The following P2RX3 variants were observed in gnomAD, a reference collection of about 807,000 sequenced individuals.
P2RX3 encodes purinergic receptor P2X 3, also known as P2X purinoceptor 3.
In P2RX3, 41 loss-of-function variants were observed where a neutral mutation model predicts 51.5. That is an observed-to-expected ratio of 0.80 (90% CI 0.62 to 1.03). The LOEUF is 1.03. Ranked by LOEUF, P2RX3 falls within the 50% of genes least tolerant of loss-of-function variation. The pLI is 0.00. For missense variants in P2RX3, 459 were observed against 522.1 expected (o/e 0.88, Z 1.18); for synonymous variants, 185 against 191.6 (o/e 0.97, Z 0.29).
rs568084097 is a variant in P2RX3, at chr11:57,371,426, G to T, written c.*1429G>T. Among the ~76,000 whole-genome samples, 4 of 152,368 alleles carry T rather than the reference G, an allele frequency of 2.6e-5. No individual in the cohort carries two copies. The highest frequency in any genetic ancestry group is 2.1e-4 in the South Asian group (1 of 4,832). Reference sequence around the variant, plus strand: ...AATCTGCATCTGGCAGTCAGAGTGGGCATGATCATGAGGTCTTAGCTGCAC... The same window carrying T: ...AATCTGCATCTGGCAGTCAGAGTGGTCATGATCATGAGGTCTTAGCTGCAC... On this transcript the variant is annotated 3_prime_UTR_variant, in exon 12 of 12. Transcript: ENST00000263314.
intron 10 of P2RX3, 123 bp downstream of exon 10, chr11:57,368,560 C>A (rs1856832867): frequency 7.4e-6 from 8 of 1,075,064 alleles, no homozygotes; most frequent in Non-Finnish European, 1.1e-5. Context: ...CCCCTACCCC[C>A]ACTTGCTAGG....
chr11:57,336,297 G>A (rs534727958), upstream of P2RX3, among the ~76,000 whole-genome samples: 1 of 152,188 alleles, frequency 6.6e-6, no homozygotes, highest in South Asian at 2.1e-4. Flanking sequence ...TGTCATCGTG[G>A]GTGCACTGCT....
rs1318158516 is a variant in P2RX3 at position 57,338,614 on chromosome 11, A to T, written c.64A>T (p.Thr22Ser). The change falls in exon 1 of 12, where the codon ACC (threonine) becomes TCC (serine). Residue 22 changes from threonine to serine, a missense_variant. Transcript: ENST00000263314. Reference sequence around the variant, plus strand: ...CAAGTCGGTGGTTGTGAAGAGCTGGACCATCGGGATCATCAACCGAGTAGT... The same window carrying T: ...CAAGTCGGTGGTTGTGAAGAGCTGGTCCATCGGGATCATCAACCGAGTAGT... ...TTKSVVVKSWTIGIINRVVQL... is the reference protein window; with the variant it reads ...TTKSVVVKSWSIGIINRVVQL... The T allele has an allele frequency of 2.5e-6, 4 of 1,598,088 alleles. No homozygotes were observed. The highest frequency in any genetic ancestry group is 3.4e-6 in the Non-Finnish European group (4 of 1,166,874).
chr11:57,347,571 T>A, intron 4 of P2RX3, 93 bp downstream of exon 4: 1 of 1,342,620 alleles, frequency 7.4e-7, no homozygotes, highest in Non-Finnish European at 1.0e-6. Context: ...GGAACCAGCC[T>A]GTTCCATGTC....
intron 8 of P2RX3, among the ~76,000 whole-genome samples, chr11:57,363,869 A>G (rs1164599781): frequency 1.3e-5 from 2 of 152,000 alleles, no homozygotes; most frequent in African/African-American, 2.4e-5. Flanking sequence ...GTCCCTGCCA[A>G]CCCTCCTCAG....
upstream of P2RX3, among the ~76,000 whole-genome samples, chr11:57,337,796 C>T (rs113561640): frequency 7.9e-3 from 1,209 of 152,268 alleles, 14 homozygotes; most frequent in African/African-American, 0.027. Context: ...CAAACCTGCA[C>T]GTTGTGCAGG....
intron 8 of P2RX3, among the ~76,000 whole-genome samples, chr11:57,366,762 C>T (rs978698609): frequency 6.6e-6 from 1 of 152,116 alleles, no homozygotes; most frequent in Admixed American, 6.5e-5. Context: ...CAGTCTCGGG[C>T]GCAGGGTGTC....
At chr11:57,347,031 T>C in intron 2 of P2RX3, 85 bp from the exon 3 acceptor site, 1 of 1,363,030 alleles carries the variant, frequency 7.3e-7, no homozygotes. Flanking sequence ...TTTCCTCATC[T>C]GTAGAGTGGG....
At position 57,372,233 on chromosome 11, in the gene P2RX3, C is replaced by G. The variant is rs1214611185; in HGVS notation, c.*2236C>G. On this transcript the variant is annotated 3_prime_UTR_variant, in exon 12 of 12. Coordinates refer to ENST00000263314, the MANE Select transcript of P2RX3 (RefSeq NM_002559.5). ...ATGAGATCTGGAACCTATGCCCATT[C>G]CTAACACTACATTGCCTCTTTAATC... is the stretch of plus-strand genomic sequence containing the variant. Among the ~76,000 whole-genome samples the G allele has an allele frequency of 6.6e-6, 1 of 152,184 alleles. No homozygotes were observed. The highest frequency in any genetic ancestry group is 2.4e-5 in the African/African-American group (1 of 41,448).
chr11:57,351,365 C>T (rs1000298628), intron 8 of P2RX3, among the ~76,000 whole-genome samples: 4 of 152,324 alleles, frequency 2.6e-5, no homozygotes, highest in Admixed American at 2.6e-4. Flanking sequence ...TCTCCGCAAA[C>T]GTGTGTCACC....
At chr11:57,337,981 T>A (rs1302745143), upstream of P2RX3, among the ~76,000 whole-genome samples, 2 of 152,170 alleles carry the variant, frequency 1.3e-5, no homozygotes, top group East Asian at 3.9e-4. Context: ...AGAGACCTTT[T>A]CCCCCTGACC....
chr11:57,355,334 C>CTTTTTT (rs1201675322), intron 8 of P2RX3, among the ~76,000 whole-genome samples: 9 of 117,340 alleles, frequency 7.7e-5, no homozygotes, highest in African/African-American at 9.6e-5. Flanking sequence ...TATTTTATTT[C>CTTTTTT]TTTTTTTTTT....
chr11:57,367,093 AAAC>A (rs1180375727), intron 8 of P2RX3, among the ~76,000 whole-genome samples: 2 of 152,244 alleles, frequency 1.3e-5, no homozygotes, highest in African/African-American at 4.8e-5. Context: ...CTATAAATGT[AAAC>A]AACAACAATG....
intron 10 of P2RX3, 139 bp downstream of exon 10, chr11:57,368,576 C>T: frequency 2.1e-6 from 2 of 931,330 alleles, no homozygotes; most frequent in East Asian, 5.0e-5. Context: ...CTAGGTGCTT[C>T]AGTCTCCTTG....
At chr11:57,359,157 T>A (rs2134437184) in intron 8 of P2RX3, among the ~76,000 whole-genome samples, 1 of 152,276 alleles carries the variant, frequency 6.6e-6, no homozygotes, top group East Asian at 1.9e-4. Flanking sequence ...GGAGCCTGGT[T>A]TTGAGCTGGG....
intron 8 of P2RX3, among the ~76,000 whole-genome samples, chr11:57,367,067 A>G (rs1429713859): frequency 6.6e-6 from 1 of 152,214 alleles, no homozygotes; most frequent in East Asian, 1.9e-4. Context: ...GTCTGAAAGC[A>G]CCTTTCAAAA....
chr11:57,360,797 A>AAG (rs1856704563), intron 8 of P2RX3, among the ~76,000 whole-genome samples: 1 of 149,532 alleles, frequency 6.7e-6, no homozygotes, highest in Admixed American at 6.7e-5. Flanking sequence ...CTCTGTCTCA[A>AAG]AAAAAAAAAG....
chr11:57,354,141 A>G (rs1856592020), intron 8 of P2RX3, among the ~76,000 whole-genome samples: 1 of 152,170 alleles, frequency 6.6e-6, no homozygotes, highest in Non-Finnish European at 1.5e-5. Context: ...GGCCTGCTCC[A>G]TTCATTGGAA....
At chr11:57,361,312 T>C (rs565980228) in intron 8 of P2RX3, among the ~76,000 whole-genome samples, 1 of 152,280 alleles carries the variant, frequency 6.6e-6, no homozygotes, top group South Asian at 2.1e-4. Context: ...GTTTAAGTTC[T>C]GGGATACATG....
Sources: allele counts gnomAD v4.1 joint callset (sites outside exome capture counted in the v4.1 genomes callset), GRCh38; gene constraint gnomAD v4.1.1; transcripts MANE v1.5; gene names NCBI Gene and HGNC (gene_info 2026-07-23, HGNC 2026-07-21).